PIWIL1: variants seen among roughly 807,000 people sequenced by gnomAD.
The protein encoded by PIWIL1 is piwi like RNA-mediated gene silencing 1.
In PIWIL1, 73 loss-of-function variants were observed where a neutral mutation model predicts 114.4. The ratio of observed to expected loss-of-function variants is 0.64; its 90% CI spans 0.53 to 0.78. The LOEUF (loss-of-function observed/expected upper bound fraction) is 0.78, where lower values mean the gene tolerates loss of function less well. Ranked by LOEUF, PIWIL1 falls within the 30% of genes least tolerant of loss-of-function variation. The pLI is 0.00. For synonymous variants in PIWIL1, 375 were observed against 369.0 expected (o/e 1.02, Z -0.19); for missense variants, 723 against 1,063.1 (o/e 0.68, Z 4.45).
chr12:130,401,505 G>T, the PIWIL1 span, among the ~76,000 whole-genome samples: 55 of 151,920 alleles, frequency 3.6e-4, no homozygotes, highest in African/African-American at 1.3e-3. Flanking sequence ...GTTCAGCAAC[G>T]CTGCCAGGTG....
chr12:130,349,710 G>A, intron 8 of PIWIL1, 146 bp from the exon 9 acceptor site: 1 of 598,170 alleles, frequency 1.7e-6, no homozygotes. Context: ...GGCATAGTCT[G>A]TAAGAAACCC....
rs567333892 is a variant in PIWIL1 at position 130,371,790 on chromosome 12, T to C, written c.*192T>C. The stretch of plus-strand genomic sequence containing the variant: ...TTTATACGTAAAAATTAAGATTTTA[T>C]ATTTTATCTTCTTGTTTCTCATAGA... On this transcript the variant is annotated 3_prime_UTR_variant, in exon 21 of 21. Coordinates refer to ENST00000245255, the MANE Select transcript of PIWIL1 (RefSeq NM_004764.5). 2.4e-5 allele frequency: 9 copies of C among 368,830 alleles called. No individual in the cohort carries two copies. Among genetic ancestry groups the C allele is most frequent in the South Asian group, 1.7e-4 (3 of 17,218 alleles). The allele number at this position is 368,830 out of a possible 1,614,324, so 22.8% of individuals were successfully genotyped here. A position where few individuals can be genotyped will look rare whatever the true frequency, so the allele number is the denominator to read the frequency against.
downstream of PIWIL1, among the ~76,000 whole-genome samples, chr12:130,375,512 G>A (rs765326354): frequency 2.0e-5 from 3 of 152,172 alleles, no homozygotes; most frequent in South Asian, 2.1e-4. Context: ...TCTGCAGCCC[G>A]GTGTTGTGGC....
chr12:130,343,281 C>G (rs888805231), intron 3 of PIWIL1, among the ~76,000 whole-genome samples, 180 bp downstream of exon 3: 2 of 152,134 alleles, frequency 1.3e-5, no homozygotes, highest in Non-Finnish European at 2.9e-5. Context: ...CTTAAACATT[C>G]TATGTATCAG....
chr12:130,363,061 A>G lies in PIWIL1; in HGVS notation c.2112A>G (p.Val704=). 2 of 1,614,246 alleles carry G rather than the reference A, an allele frequency of 1.2e-6. No homozygotes were observed. The highest frequency in any genetic ancestry group is 1.7e-6 in the Non-Finnish European group (2 of 1,180,032). Residue 704 remains valine (V), a synonymous_variant, in exon 18 of 21, where the codon GTA becomes GTG. Coordinates refer to ENST00000245255, the MANE Select transcript of PIWIL1 (RefSeq NM_004764.5). The part of the protein sequence containing the change: ...PSRIIVYRDG[V]GDGQLKTLVN... ...GGATCATCGTGTACCGCGATGGCGT[A>G]GGAGACGGCCAGCTGAAAACACTGG...
intron 18 of PIWIL1, among the ~76,000 whole-genome samples, chr12:130,365,161 C>T (rs1417226150): frequency 3.3e-5 from 5 of 152,164 alleles, no homozygotes; most frequent in Non-Finnish European, 7.4e-5. Context: ...CACAGCGTTG[C>T]AGGGAAGGAG....
rs551576282 is a variant in PIWIL1 at position 130,358,936 on chromosome 12, T to G, written c.1665+1383T>G. On this transcript the variant is annotated intron_variant, in intron 14 of 20. Coordinates refer to ENST00000245255, the MANE Select transcript of PIWIL1 (RefSeq NM_004764.5). ...TGGTGTGCTTTAGGCGTGGTCAGGC[T>G]GCCATCCTGCTCATCCTCTCTCTCA... Among the ~76,000 whole-genome samples, 4 of 152,278 alleles carry G rather than the reference T, an allele frequency of 2.6e-5. No homozygotes were observed. The South Asian group carries it at 8.3e-4, about 32-fold the overall frequency.
At chr12:130,348,969 T>C (rs2073143696) in intron 7 of PIWIL1, among the ~76,000 whole-genome samples, 1 of 152,208 alleles carries the variant, frequency 6.6e-6, no homozygotes, top group South Asian at 2.1e-4. Flanking sequence ...GTGCTTTCAA[T>C]TAGATTGGCA....
At chr12:130,375,054 C>T (rs541870070), downstream of PIWIL1, among the ~76,000 whole-genome samples, 27 of 152,238 alleles carry the variant, frequency 1.8e-4, no homozygotes, top group East Asian at 5.8e-4. Context: ...AGAAACCACT[C>T]GGCTTTGAAT....
chr12:130,369,396 A>G (rs2073757024), intron 19 of PIWIL1, among the ~76,000 whole-genome samples: 1 of 152,164 alleles, frequency 6.6e-6, no homozygotes, highest in African/African-American at 2.4e-5. Flanking sequence ...ATTTATATTT[A>G]TTTGGGTATA....
chr12:130,338,934 C>T (rs2072810116), intron 1 of PIWIL1, among the ~76,000 whole-genome samples: 1 of 109,734 alleles, frequency 9.1e-6, no homozygotes, highest in Non-Finnish European at 1.9e-5. Flanking sequence ...CCTGAGTTGC[C>T]GGGGGTGCGG....
the PIWIL1 span, among the ~76,000 whole-genome samples, chr12:130,405,888 A>G: frequency 6.6e-6 from 1 of 152,216 alleles, no homozygotes; most frequent in Admixed American, 6.5e-5. Context: ...GGTGGCAGCA[A>G]TTTAAAAAAT....
At chr12:130,394,527 C>T in the PIWIL1 span, among the ~76,000 whole-genome samples, 2 of 152,264 alleles carry the variant, frequency 1.3e-5, no homozygotes, top group Middle Eastern at 3.4e-3. Context: ...TTCCCAAAAG[C>T]TTCCAATATA....
Position 130,371,275 on chromosome 12 carries a change from C to T in PIWIL1, c.2421C>T (p.His807=), listed in dbSNP as rs2073810173. Residue 807 remains histidine (H), a synonymous_variant, in exon 20 of 21, where the codon CAC becomes CAT. Coordinates refer to ENST00000245255, the MANE Select transcript of PIWIL1 (RefSeq NM_004764.5). ...ACAACAGCGGCCTGAAGCCAGACCACATACAGCGCTTGACCTACAAGCTGT... is the reference window on the plus strand; with the variant it reads ...ACAACAGCGGCCTGAAGCCAGACCATATACAGCGCTTGACCTACAAGCTGT... ...IYDNSGLKPD[H]IQRLTYKLCH... 3.1e-6 allele frequency: 5 copies of T among 1,614,218 alleles called. No individual in the cohort carries two copies. Among genetic ancestry groups the T allele is most frequent in the South Asian group, 1.1e-5 (1 of 91,084 alleles).
the PIWIL1 span, chr12:130,407,947 G>T: frequency 5.9e-6 from 5 of 844,780 alleles, no homozygotes; most frequent in Non-Finnish European, 1.0e-5. Context: ...CTGCTAACAG[G>T]GCCACGTGCT....
At chr12:130,421,178 C>G in the PIWIL1 span, among the ~76,000 whole-genome samples, 1 of 152,312 alleles carries the variant, frequency 6.6e-6, no homozygotes, top group African/African-American at 2.4e-5. Flanking sequence ...CCAGAGGGAA[C>G]GACACACGAA....
chr12:130,355,435 C>A, intron 11 of PIWIL1, 118 bp from the exon 12 acceptor site: 1 of 758,460 alleles, frequency 1.3e-6, no homozygotes, highest in Non-Finnish European at 2.3e-6. Flanking sequence ...TTCTCACCAG[C>A]GCCTTCACCC....
chr12:130,400,849 A>G, the PIWIL1 span, among the ~76,000 whole-genome samples: 1 of 152,222 alleles, frequency 6.6e-6, no homozygotes, highest in Non-Finnish European at 1.5e-5. Flanking sequence ...AGTCACCACG[A>G]ATCTCCAGGG....
chr12:130,402,701 T>C, the PIWIL1 span, among the ~76,000 whole-genome samples: 6 of 152,280 alleles, frequency 3.9e-5, no homozygotes, highest in African/African-American at 1.4e-4. Flanking sequence ...AGAATGGGAA[T>C]AGGCTGAAAG....
Sources: gnomAD v4.1 joint callset for allele counts (sites outside exome capture counted in the v4.1 genomes callset) on GRCh38, gnomAD v4.1.1 for gene constraint, MANE v1.5 for transcripts, NCBI Gene and HGNC (gene_info 2026-07-23, HGNC 2026-07-21) for gene names.